ZFHX3: variants seen among roughly 807,000 people sequenced by gnomAD.
The protein encoded by ZFHX3 is zinc finger homeobox protein 3.
In ZFHX3, 42 loss-of-function variants were observed where a neutral mutation model predicts 279.1. The ratio of observed to expected loss-of-function variants is 0.15; its 90% confidence interval spans 0.12 to 0.19. The LOEUF is 0.19. Among genes scored for constraint, ZFHX3 ranks in the 10% least tolerant of loss-of-function variants. ZFHX3 has a pLI of 1.00. For missense variants in ZFHX3, 4,981 were observed against 4,754.0 expected (o/e 1.05, Z -1.40); for synonymous variants, 2,293 against 1,957.8 (o/e 1.17, Z -4.52).
In ZFHX3 at chr16:73,441,270, T is replaced by C. The variant is rs1268781669; in HGVS notation, c.-1291+14733A>G. On this transcript the variant is annotated intron_variant, in intron 3 of 17. Transcript: ENST00000641206. The stretch of plus-strand genomic sequence containing the variant: ...GAGGGAGAGAGAGATGCTGTAAAAA[T>C]AAAGGGTATAATAATTACAATTATT... Among the ~76,000 whole-genome samples, 3 of 152,066 alleles carry C rather than the reference T, an allele frequency of 2.0e-5. No homozygotes were observed. The East Asian group carries it at 5.8e-4, about 29-fold the overall frequency.
chr16:73,616,706 T>C (rs1383132800), intron 2 of ZFHX3, among the ~76,000 whole-genome samples: 1 of 152,134 alleles, frequency 6.6e-6, no homozygotes, highest in East Asian at 1.9e-4. Context: ...AAAAGAAATC[T>C]TGGATGTTAT....
At chr16:73,217,633 GT>G (rs751931399) in intron 5 of ZFHX3, among the ~76,000 whole-genome samples, 5 of 152,118 alleles carry the variant, frequency 3.3e-5, no homozygotes, top group Non-Finnish European at 5.9e-5. Context: ...AGGTTACAAT[GT>G]ACCCTGGTAA....
In ZFHX3 at chr16:73,833,180, T is replaced by C. The variant is rs114028468; in HGVS notation, c.-1608+58471A>G. 5.9e-3 allele frequency among the ~76,000 whole-genome samples: 899 copies of C among 152,206 alleles called. 9 individuals carry two copies. Among genetic ancestry groups the C allele is most frequent in the African/African-American group, 0.021 (861 of 41,534 alleles). ...GAGTTCTAGACCAGCCCAGGCGACG[T>C]AGCAAGACCTCATCTCTACAAAAGA... On this transcript the variant is annotated intron_variant, in intron 1 of 17. Transcript: ENST00000641206.
chr16:73,291,775 G>C (rs924809063), intron 4 of ZFHX3, among the ~76,000 whole-genome samples: 8 of 152,318 alleles, frequency 5.3e-5, no homozygotes, highest in African/African-American at 1.9e-4. Flanking sequence ...CTTTTGAGAA[G>C]ATGCTTTTGA....
At chr16:73,580,504 C>CA (rs773994863) in intron 2 of ZFHX3, among the ~76,000 whole-genome samples, 13 of 140,474 alleles carry the variant, frequency 9.3e-5, no homozygotes, top group East Asian at 6.2e-4. Context: ...AACAAACAAA[C>CA]AAACAAAAAA....
intron 6 of ZFHX3, chr16:73,143,732 A>G: frequency 6.9e-6 from 9 of 1,304,294 alleles, no homozygotes; most frequent in Non-Finnish European, 9.1e-6. Context: ...TCATTGAGAA[A>G]CAAGAAAGCT....
chr16:73,611,370 C>T (rs1330720420), intron 2 of ZFHX3, among the ~76,000 whole-genome samples: 2 of 152,028 alleles, frequency 1.3e-5, no homozygotes, highest in Admixed American at 1.3e-4. Flanking sequence ...TCTTGAGCAC[C>T]GTAGATGATT....
chr16:73,227,666 T>C (rs769710146), intron 5 of ZFHX3, among the ~76,000 whole-genome samples: 3 of 151,704 alleles, frequency 2.0e-5, no homozygotes, highest in Non-Finnish European at 2.9e-5. Context: ...CTGGGCAACA[T>C]GGTGAAACCA....
At chr16:73,341,482 G>A (rs184239829) in intron 3 of ZFHX3, among the ~76,000 whole-genome samples, 45 of 152,228 alleles carry the variant, frequency 3.0e-4, no homozygotes, top group Non-Finnish European at 5.0e-4. Flanking sequence ...TAAGTGAAAT[G>A]CCAGTGAAAC....
intron 2 of ZFHX3, among the ~76,000 whole-genome samples, chr16:73,542,288 C>T (rs2020031508): frequency 6.6e-6 from 1 of 152,188 alleles, no homozygotes; most frequent in South Asian, 2.1e-4. Flanking sequence ...GGGGGCTGCA[C>T]AGGGTGGGAC....
chr16:73,622,428 G>A (rs1441863531), intron 2 of ZFHX3, among the ~76,000 whole-genome samples: 1 of 152,140 alleles, frequency 6.6e-6, no homozygotes, highest in Non-Finnish European at 1.5e-5. Context: ...CAGGCGTGGT[G>A]GCGGGCACCT....
At chr16:73,055,872 A>ACACACACG (rs1320637770) in intron 1 of ZFHX3, among the ~76,000 whole-genome samples, 1 of 151,558 alleles carries the variant, frequency 6.6e-6, no homozygotes, top group Non-Finnish European at 1.5e-5. Flanking sequence ...ACACACACAC[A>ACACACACG]CGCAGAGAAC....
Position 73,689,134 on chromosome 16 carries a change from G to A in ZFHX3, c.-1607-8894C>T, listed in dbSNP as rs2053121340. The stretch of plus-strand genomic sequence containing the variant: ...AATGATCCAATAAATACTTGCCAAA[G>A]GATTGATACTGATTGAACTTAAATT... On this transcript the variant is annotated intron_variant, in intron 1 of 17. Coordinates refer to the ZFHX3 transcript ENST00000641206. Among the ~76,000 whole-genome samples, 5 of 152,264 alleles carry A rather than the reference G, an allele frequency of 3.3e-5. No homozygotes were observed. In the South Asian group the frequency reaches 1.0e-3, roughly 32 times the overall value.
intron 2 of ZFHX3, among the ~76,000 whole-genome samples, chr16:73,525,928 C>A (rs1205917584): frequency 6.6e-6 from 1 of 152,142 alleles, no homozygotes; most frequent in Admixed American, 6.5e-5. Context: ...CACGATTTAC[C>A]CCAAGCTTCT....
chr16:73,443,236 G>C (rs976784492), intron 3 of ZFHX3, among the ~76,000 whole-genome samples: 34 of 152,140 alleles, frequency 2.2e-4, no homozygotes, highest in African/African-American at 8.2e-4. Context: ...ATGGGGAGCA[G>C]CCCAAATGTT....
chr16:73,686,306 G>A (rs906964988), intron 1 of ZFHX3, among the ~76,000 whole-genome samples: 8 of 152,104 alleles, frequency 5.3e-5, no homozygotes, highest in Non-Finnish European at 1.0e-4. Flanking sequence ...ATATTGTTCA[G>A]GCTGGTCTTG....
intron 1 of ZFHX3, among the ~76,000 whole-genome samples, chr16:73,757,868 G>T (rs761551777): frequency 6.6e-6 from 1 of 152,146 alleles, no homozygotes; most frequent in South Asian, 2.1e-4. Context: ...TTCTGATTTT[G>T]TGACTCACTG....
chr16:73,106,954 C>T (rs1966313421), intron 7 of ZFHX3, among the ~76,000 whole-genome samples: 1 of 152,202 alleles, frequency 6.6e-6, no homozygotes, highest in African/African-American at 2.4e-5. Flanking sequence ...AACAGTCCAT[C>T]TAACCGGTTA....
At chr16:73,029,177 G>A (rs1964612033) in intron 1 of ZFHX3, among the ~76,000 whole-genome samples, 1 of 152,114 alleles carries the variant, frequency 6.6e-6, no homozygotes, top group Non-Finnish European at 1.5e-5. Flanking sequence ...CTAGGAACAG[G>A]AGTCCTTTCA....
Sources: allele counts gnomAD v4.1 joint callset (sites outside exome capture counted in the v4.1 genomes callset), GRCh38; gene constraint gnomAD v4.1.1; transcripts MANE v1.5; gene names NCBI Gene and HGNC (gene_info 2026-07-23, HGNC 2026-07-21).